EVC2: variants seen among roughly 807,000 people sequenced by gnomAD.
EVC2 encodes limbin.
EVC2 carries 148 observed loss-of-function variants against 149.3 expected under a neutral mutation model. The ratio of observed to expected loss-of-function variants is 0.99; its 90% CI spans 0.87 to 1.14. The LOEUF (loss-of-function observed/expected upper bound fraction) is 1.14, where lower values mean the gene tolerates loss of function less well. EVC2 is among the 50% of genes most tolerant of loss of function. The pLI is 0.00. For missense variants in EVC2, 1,854 were observed against 1,627.3 expected, an observed-to-expected ratio of 1.14 and a Z score of -2.40; for synonymous variants, 776 against 649.9, an observed-to-expected ratio of 1.19 and a Z score of -2.95.
chr4:5,572,363 G>A (rs1443141374), intron 19 of EVC2, among the ~76,000 whole-genome samples: 4 of 152,146 alleles, frequency 2.6e-5, no homozygotes, highest in African/African-American at 9.7e-5. Flanking sequence ...TTAGGAAGGG[G>A]GGCCTGCTGA....
Position 5,640,399 on chromosome 4 carries a change from TGGATGATGGGTAGAC to T in EVC2, c.1470+100_1470+114del. On this transcript the variant is annotated intron_variant, in intron 10 of 21. Transcript: ENST00000344408. This position sits in a 1 kb window ranked among gnomAD's most constrained non-coding sequence, Gnocchi z 4.6. ...ATAGATGAATGAGTGGGTGGTTGGA[TGGATGATGGGTAGAC>T]GGATGGAGGAGGCAAATGGACAGAT... 8.2e-7 allele frequency: 1 copy of T among 1,218,244 alleles called. No individual in the cohort carries two copies. The highest frequency in any genetic ancestry group is 1.2e-6 in the Non-Finnish European group (1 of 822,738). 75.5% of individuals were successfully genotyped at this position (1,218,244 alleles called of 1,614,324 possible). A position where few individuals can be genotyped will look rare whatever the true frequency, so the allele number is the denominator to read the frequency against.
chr4:5,697,739 A>T, intron 1 of EVC2, 92 bp from the exon 2 acceptor site: 1 of 1,193,734 alleles, frequency 8.4e-7, no homozygotes, highest in Non-Finnish European at 1.2e-6. Flanking sequence ...CATGGAGAGG[A>T]CATGCACTTT....
At chr4:5,557,557 A>G (rs1250622576), downstream of EVC2, among the ~76,000 whole-genome samples, 1 of 152,206 alleles carries the variant, frequency 6.6e-6, no homozygotes, top group East Asian at 1.9e-4. Context: ...TAGCTAGTGT[A>G]ATAACACAAG....
At chr4:5,703,015 CATATTACTA>C (rs1371136332) in intron 1 of EVC2, among the ~76,000 whole-genome samples, 1 of 152,192 alleles carries the variant, frequency 6.6e-6, no homozygotes, top group Non-Finnish European at 1.5e-5. Context: ...ATTATTACTA[CATATTACTA>C]TGTATTGCCA....
intron 9 of EVC2, among the ~76,000 whole-genome samples, chr4:5,662,447 T>G (rs1349954777): frequency 6.8e-6 from 1 of 146,708 alleles, no homozygotes; most frequent in African/African-American, 2.5e-5. Context: ...TTGAATAAAC[T>G]AATTATTCAA....
chr4:5,536,601 G>A, the EVC2 span, among the ~76,000 whole-genome samples: 18 of 152,190 alleles, frequency 1.2e-4, no homozygotes, highest in Middle Eastern at 3.4e-3. Flanking sequence ...TGGCTAACAT[G>A]GTGAAACCCC....
intron 8 of EVC2, among the ~76,000 whole-genome samples, chr4:5,663,738 C>G (rs1013919616): frequency 6.6e-6 from 1 of 151,910 alleles, no homozygotes; most frequent in Non-Finnish European, 1.5e-5. Context: ...CTGGCCAACA[C>G]GGTGAAACCC....
At chr4:5,665,694 C>T (rs533154392) in intron 7 of EVC2, 45 bp from the exon 8 acceptor site, 1 of 1,607,184 alleles carries the variant, frequency 6.2e-7, no homozygotes, top group African/African-American at 1.3e-5. Context: ...GGTCAGACAG[C>T]ATGTCTCCCA....
the EVC2 span, among the ~76,000 whole-genome samples, chr4:5,529,493 G>C: frequency 1.3e-5 from 2 of 152,160 alleles, no homozygotes; most frequent in African/African-American, 4.8e-5. The surrounding 1 kb of genome is among the most constrained non-coding windows in gnomAD (Gnocchi z 4.5). Flanking sequence ...ATAGCAGTTT[G>C]TTATTTTCTC....
intron 7 of EVC2, 151 bp from the exon 8 acceptor site, chr4:5,665,800 C>G (rs1719241688): frequency 4.9e-6 from 6 of 1,232,184 alleles, no homozygotes; most frequent in Non-Finnish European, 5.8e-6. Flanking sequence ...AGCTGGCTGC[C>G]TGGAGGCCCT....
intron 5 of EVC2, among the ~76,000 whole-genome samples, chr4:5,687,776 G>A (rs1046314892): frequency 2.6e-5 from 4 of 152,150 alleles, no homozygotes; most frequent in South Asian, 2.1e-4. Context: ...AAAGGTCTGC[G>A]GGGAAATGAG....
At position 5,657,112 on chromosome 4, in the gene EVC2, A is replaced by G. The variant is rs1053686221; in HGVS notation, c.1145+5995T>C. ...AGACCACTGAGACCACTGCAGGGGA[A>G]GGCACCTCGTCCAGGCAGGGAGGCC... On this transcript the variant is annotated intron_variant, in intron 9 of 21. Coordinates refer to ENST00000344408, the MANE Select transcript of EVC2 (RefSeq NM_147127.5). This position sits in a 1 kb window ranked among gnomAD's most constrained non-coding sequence, Gnocchi z 4.7. 9.2e-5 allele frequency among the ~76,000 whole-genome samples: 14 copies of G among 152,062 alleles called. No individual in the cohort carries two copies. The highest frequency in any genetic ancestry group is 3.4e-4 in the African/African-American group (14 of 41,426).
Position 5,574,792 on chromosome 4 carries a change from T to C in EVC2, c.3273-20A>G. On this transcript the variant is annotated intron_variant, in intron 18 of 21. Coordinates refer to ENST00000344408, the MANE Select transcript of EVC2 (RefSeq NM_147127.5). ...CTCAAACTGGAGTGAAAATAAAATA[T>C]ACGTAAGTTCAGTTTTGTTATAAAG... 1 of 1,611,778 alleles carries C rather than the reference T, an allele frequency of 6.2e-7. No homozygotes were observed. The highest frequency in any genetic ancestry group is 8.5e-7 in the Non-Finnish European group (1 of 1,177,920).
chr4:5,630,907 T>G (rs1716484512), intron 11 of EVC2, among the ~76,000 whole-genome samples: 1 of 152,202 alleles, frequency 6.6e-6, no homozygotes, highest in South Asian at 2.1e-4. Context: ...TACCATCAGC[T>G]AGAGCAAGCT....
At position 5,562,687 on chromosome 4, in the gene EVC2, TTA is replaced by T. The variant is rs1722026916; in HGVS notation, c.*159_*160del. 2.0e-6 allele frequency: 3 copies of T among 1,495,508 alleles called. No homozygotes were observed. The highest frequency in any genetic ancestry group is 8.8e-7 in the Non-Finnish European group (1 of 1,130,688). The allele number at this position is 1,495,508 out of a possible 1,614,324, so 92.6% of individuals were successfully genotyped here. On this transcript the variant is annotated 3_prime_UTR_variant, in exon 22 of 22. Coordinates refer to ENST00000344408, the MANE Select transcript of EVC2 (RefSeq NM_147127.5). The surrounding 1 kb of genome is among the most constrained non-coding windows in gnomAD (Gnocchi z 4.3). ...CCATCTGGAAATTCATGAGACAAGA[TTA>T]AACCGAGTCCCTGCAAGTTGGCATG...
intron 16 of EVC2, among the ~76,000 whole-genome samples, chr4:5,597,136 T>A (rs1485395423): frequency 6.6e-6 from 1 of 152,092 alleles, no homozygotes; most frequent in Non-Finnish European, 1.5e-5. Flanking sequence ...CTACCAGAGG[T>A]AGAAGGAGGA....
chr4:5,690,492 T>C (rs1044119862), intron 4 of EVC2, among the ~76,000 whole-genome samples: 3 of 151,564 alleles, frequency 2.0e-5, no homozygotes, highest in African/African-American at 7.3e-5. Context: ...CCTTGGACCC[T>C]GCTGTACTGA....
intron 7 of EVC2, among the ~76,000 whole-genome samples, chr4:5,671,362 A>G (rs947652769): frequency 6.6e-6 from 1 of 152,272 alleles, no homozygotes; most frequent in African/African-American, 2.4e-5. Flanking sequence ...CTGAGTATGC[A>G]GCTCACCTTT....
intron 6 of EVC2, among the ~76,000 whole-genome samples, chr4:5,681,584 T>C (rs554876981): frequency 6.6e-6 from 1 of 152,248 alleles, no homozygotes; most frequent in African/African-American, 2.4e-5. Flanking sequence ...GGAGAAACGC[T>C]TGGGGTTGGG....
Sources: allele counts gnomAD v4.1 joint callset (sites outside exome capture counted in the v4.1 genomes callset), GRCh38; gene constraint gnomAD v4.1.1; non-coding constraint Gnocchi (gnomAD v3.1); transcripts MANE v1.5; gene names NCBI Gene and HGNC (gene_info 2026-07-23, HGNC 2026-07-21).